Variants in FAM117A observed in about 807,000 individuals in gnomAD.
FAM117A encodes the protein protein FAM117A.
A neutral mutation model predicts 44.1 loss-of-function variants in FAM117A; 21 were observed. The ratio of observed to expected loss-of-function variants is 0.48; its 90% CI spans 0.34 to 0.69. FAM117A has a LOEUF of 0.69. FAM117A is among the 30% of genes least tolerant of loss of function. The probability of loss-of-function intolerance (pLI) is 0.01; values close to 1 mark genes in which losing one functional copy is unlikely to be tolerated. For missense variants in FAM117A, 498 were observed against 589.9 expected, an observed-to-expected ratio of 0.84 and a Z score of 1.61; for synonymous variants, 220 against 238.3, an observed-to-expected ratio of 0.92 and a Z score of 0.71.
intron 2 of FAM117A, chr17:49,724,547 G>A: frequency 2.2e-6 from 1 of 453,470 alleles, no homozygotes. Context: ...TAAAAAGGAT[G>A]TGAGGCTGGG....
At chr17:49,729,952 G>C (rs2073577732) in intron 2 of FAM117A, among the ~76,000 whole-genome samples, 1 of 152,090 alleles carries the variant, frequency 6.6e-6, no homozygotes, top group Admixed American at 6.5e-5. Context: ...TGATATCCCA[G>C]TACTCAATAG....
At chr17:49,740,287 C>T (rs757635117) in intron 1 of FAM117A, among the ~76,000 whole-genome samples, 1 of 151,676 alleles carries the variant, frequency 6.6e-6, no homozygotes, top group Non-Finnish European at 1.5e-5. Flanking sequence ...TCACTCTGTC[C>T]CTCAGGCTGG....
chr17:49,720,073 CTTTGCAG>C, intron 4 of FAM117A, 179 bp from the exon 5 acceptor site: 1 of 839,332 alleles, frequency 1.2e-6, no homozygotes. Context: ...AAAGTTTGAG[CTTTGCAG>C]AGTCTACTGT....
chr17:49,764,854 A>G (rs2073740350), upstream of FAM117A, among the ~76,000 whole-genome samples: 1 of 152,196 alleles, frequency 6.6e-6, no homozygotes, highest in African/African-American at 2.4e-5. Flanking sequence ...CCTTAAAAAA[A>G]CAATTGCTAG....
At chr17:49,764,488 A>T (rs2073738551), upstream of FAM117A, among the ~76,000 whole-genome samples, 1 of 152,080 alleles carries the variant, frequency 6.6e-6, no homozygotes, top group Non-Finnish European at 1.5e-5. Flanking sequence ...TGAGCTGGAG[A>T]GTGGGCGCGG....
At chr17:49,737,425 CA>C (rs1555596198) in intron 1 of FAM117A, among the ~76,000 whole-genome samples, 1 of 152,114 alleles carries the variant, frequency 6.6e-6, no homozygotes, top group East Asian at 1.9e-4. Context: ...GACAGATAAC[CA>C]AAGAGGCAGA....
At chr17:49,763,550 T>C in intron 1 of FAM117A, among the ~76,000 whole-genome samples, 1 of 95,134 alleles carries the variant, frequency 1.1e-5, no homozygotes, top group African/African-American at 4.3e-5. Context: ...CACGCGCCAC[T>C]CCTCCTCACG....
chr17:49,766,064 T>C (rs2073744935), upstream of FAM117A, among the ~76,000 whole-genome samples: 1 of 152,136 alleles, frequency 6.6e-6, no homozygotes, highest in Admixed American at 6.5e-5. Flanking sequence ...CCATGCTAGG[T>C]ACATGTTAAG....
chr17:49,767,955 A>AT (rs1472575509), upstream of FAM117A, among the ~76,000 whole-genome samples: 5 of 152,166 alleles, frequency 3.3e-5, no homozygotes, highest in South Asian at 6.2e-4. Context: ...TGTATCAATA[A>AT]TTTTTTTTAA....
chr17:49,727,800 C>T (rs2073566726), intron 2 of FAM117A, among the ~76,000 whole-genome samples: 1 of 152,230 alleles, frequency 6.6e-6, no homozygotes, highest in Admixed American at 6.5e-5. Context: ...CTGGCCCTCA[C>T]TGTCTCCAGT....
intron 1 of FAM117A, among the ~76,000 whole-genome samples, chr17:49,749,342 C>T (rs1330187849): frequency 6.6e-6 from 1 of 151,892 alleles, no homozygotes; most frequent in Non-Finnish European, 1.5e-5. Context: ...CTTTGGGAGG[C>T]AAGGTGGGCG....
intron 1 of FAM117A, among the ~76,000 whole-genome samples, chr17:49,755,315 T>C (rs967899670): frequency 4.6e-5 from 7 of 152,138 alleles, no homozygotes; most frequent in Admixed American, 4.6e-4. Context: ...CAGATAATTC[T>C]CCTCCTTGGC....
chr17:49,763,846 TC>T, intron 1 of FAM117A, 45 bp downstream of exon 1: 2 of 176,488 alleles, frequency 1.1e-5, no homozygotes, highest in South Asian at 6.2e-4. Context: ...GCGCCCCCCC[TC>T]CCCCAATGGC....
At chr17:49,772,964 G>A (rs1164257340) in intron 1 of FAM117A, among the ~76,000 whole-genome samples, 1 of 151,866 alleles carries the variant, frequency 6.6e-6, no homozygotes, top group South Asian at 2.1e-4. Context: ...GAGGTCAAGA[G>A]TTCAAGACCA....
chr17:49,717,946 C>T (rs1156597474), intron 5 of FAM117A: 1 of 415,852 alleles, frequency 2.4e-6, no homozygotes, highest in African/African-American at 2.0e-5. Flanking sequence ...ACTCACAGTC[C>T]AATGTATAAT....
intron 1 of FAM117A, among the ~76,000 whole-genome samples, chr17:49,752,877 T>C (rs2073682978): frequency 6.6e-6 from 1 of 152,006 alleles, no homozygotes; most frequent in African/African-American, 2.4e-5. Flanking sequence ...TTTTTTTTTT[T>C]TTTTGAGACA....
At chr17:49,787,098 GAA>G (rs961146871) in intron 1 of FAM117A, among the ~76,000 whole-genome samples, 8 of 151,966 alleles carry the variant, frequency 5.3e-5, no homozygotes, top group African/African-American at 1.9e-4. Flanking sequence ...GAAAAAAAAA[GAA>G]GAGAGAGAAA....
intron 1 of FAM117A, among the ~76,000 whole-genome samples, chr17:49,776,042 G>A (rs916922934): frequency 6.6e-6 from 1 of 151,946 alleles, no homozygotes; most frequent in African/African-American, 2.4e-5. Flanking sequence ...CCCTTCATAC[G>A]CCTGTGGAGA....
At chr17:49,725,423 C>T (rs906034443) in intron 2 of FAM117A, among the ~76,000 whole-genome samples, 2 of 152,138 alleles carry the variant, frequency 1.3e-5, no homozygotes, top group Non-Finnish European at 2.9e-5. Flanking sequence ...ATTGGGGAGA[C>T]AGTTTAAACA....
Sources: gnomAD v4.1 joint callset for allele counts (sites outside exome capture counted in the v4.1 genomes callset) on GRCh38, gnomAD v4.1.1 for gene constraint, MANE v1.5 for transcripts, NCBI Gene and HGNC (gene_info 2026-07-23, HGNC 2026-07-21) for gene names.